RAD51B: variants seen among roughly 807,000 people sequenced by gnomAD.
The protein encoded by RAD51B is DNA repair protein RAD51 homolog 2.
Under a neutral mutation model 42.2 loss-of-function variants are expected in RAD51B, and 38 were observed. The observed-to-expected ratio is 0.90, with a 90% CI of 0.70 to 1.18. The LOEUF (loss-of-function observed/expected upper bound fraction) is 1.18, where lower values mean the gene tolerates loss of function less well. RAD51B is among the 50% of genes most tolerant of loss of function. RAD51B has a pLI of 0.00. For synonymous variants in RAD51B, 154 were observed against 145.2 expected, an observed-to-expected ratio of 1.06 and a Z score of -0.43; for missense variants, 373 against 400.7, an observed-to-expected ratio of 0.93 and a Z score of 0.59.
In RAD51B at chr14:68,531,161, A is replaced by G. The variant is rs537186290; in HGVS notation, c.1036+62911A>G. Among the ~76,000 whole-genome samples, 8 of 150,964 alleles carry G rather than the reference A, an allele frequency of 5.3e-5. No individual in the cohort carries two copies. In the South Asian group the frequency reaches 1.7e-3, roughly 31 times the overall value. ...AACCTAAGAGAAGACAGGAAAGACAAAAAAAAAATGAAAGAAGACAGGAAA... is the reference window on the plus strand; with the variant it reads ...AACCTAAGAGAAGACAGGAAAGACAGAAAAAAAATGAAAGAAGACAGGAAA... On this transcript the variant is annotated intron_variant, in intron 10 of 10. Transcript: ENST00000487270.
At chr14:68,495,561 C>T (rs967650399) in intron 10 of RAD51B, among the ~76,000 whole-genome samples, 3 of 152,126 alleles carry the variant, frequency 2.0e-5, no homozygotes, top group African/African-American at 7.2e-5. Flanking sequence ...TGAAGGGAAA[C>T]GCAGTTGAAA....
intron 10 of RAD51B, among the ~76,000 whole-genome samples, chr14:68,532,675 T>TA (rs1287658580): frequency 6.6e-6 from 1 of 152,160 alleles, no homozygotes; most frequent in Admixed American, 6.5e-5. Flanking sequence ...AGCTAACCCT[T>TA]ATGTTACACA....
intron 8 of RAD51B, among the ~76,000 whole-genome samples, chr14:68,328,413 G>T (rs559226264): frequency 2.0e-5 from 3 of 152,254 alleles, no homozygotes; most frequent in Admixed American, 6.5e-5. Flanking sequence ...TGAGCCAGTA[G>T]TCACAAAGCT....
intron 7 of RAD51B, among the ~76,000 whole-genome samples, chr14:68,027,502 C>T (rs893989865): frequency 3.3e-5 from 5 of 151,860 alleles, no homozygotes; most frequent in Non-Finnish European, 4.4e-5. Flanking sequence ...TCTTTACATG[C>T]GCTCATATTT....
chr14:68,204,645 G>A (rs1028732702), intron 7 of RAD51B, among the ~76,000 whole-genome samples: 1 of 152,218 alleles, frequency 6.6e-6, no homozygotes, highest in African/African-American at 2.4e-5. Flanking sequence ...GTACAATAAA[G>A]TAAGGTATGT....
chr14:67,858,456 G>A (rs949696504), intron 4 of RAD51B, among the ~76,000 whole-genome samples: 1 of 152,246 alleles, frequency 6.6e-6, no homozygotes, highest in Middle Eastern at 3.4e-3. Flanking sequence ...CTTAAATTCC[G>A]GCTGTCTCCG....
chr14:68,673,475 G>A (rs949850546), intron 11 of RAD51B, among the ~76,000 whole-genome samples: 1 of 148,908 alleles, frequency 6.7e-6, no homozygotes, highest in Non-Finnish European at 1.5e-5. Flanking sequence ...ATATATACAT[G>A]TACACACATG....
chr14:68,027,852 T>C (rs1446140952), intron 7 of RAD51B, among the ~76,000 whole-genome samples: 1 of 152,204 alleles, frequency 6.6e-6, no homozygotes, highest in Non-Finnish European at 1.5e-5. Context: ...TTAAGAACCA[T>C]TGTTGGGGAG....
intron 7 of RAD51B, among the ~76,000 whole-genome samples, chr14:68,134,725 G>A (rs952446468): frequency 7.2e-5 from 11 of 151,744 alleles, no homozygotes; most frequent in Non-Finnish European, 1.3e-4. Context: ...TATCCCGCTT[G>A]AGTGAAAGGA....
At chr14:68,459,504 C>G (rs747516312) in intron 9 of RAD51B, among the ~76,000 whole-genome samples, 1 of 152,200 alleles carries the variant, frequency 6.6e-6, no homozygotes, top group African/African-American at 2.4e-5. Flanking sequence ...TGTAGAAGGA[C>G]ATTTCAGTCA....
intron 7 of RAD51B, among the ~76,000 whole-genome samples, chr14:67,934,816 G>A (rs2044877379): frequency 6.6e-6 from 1 of 152,092 alleles, no homozygotes; most frequent in Non-Finnish European, 1.5e-5. Context: ...TTGATGGGGG[G>A]GAATGTCCAT....
chr14:68,300,869 T>C (rs2081718228), intron 8 of RAD51B, among the ~76,000 whole-genome samples: 1 of 152,190 alleles, frequency 6.6e-6, no homozygotes, highest in Non-Finnish European at 1.5e-5. Context: ...TATCCACTGC[T>C]TGAGCAAGGG....
intron 7 of RAD51B, among the ~76,000 whole-genome samples, chr14:67,988,157 C>T (rs1391713749): frequency 1.3e-5 from 2 of 151,952 alleles, no homozygotes; most frequent in Non-Finnish European, 2.9e-5. Flanking sequence ...AGGTCAGAAT[C>T]TGAGTTAGAA....
chr14:68,465,907 C>T (rs994232633), intron 9 of RAD51B, among the ~76,000 whole-genome samples: 8 of 150,306 alleles, frequency 5.3e-5, no homozygotes, highest in African/African-American at 2.0e-4. Flanking sequence ...CGCCACTGCA[C>T]TCCAGCCTGG....
intron 8 of RAD51B, among the ~76,000 whole-genome samples, chr14:68,379,472 T>C (rs1431864034): frequency 6.6e-6 from 1 of 152,208 alleles, no homozygotes; most frequent in Non-Finnish European, 1.5e-5. Flanking sequence ...TTCCTGTCTA[T>C]GATCGGTGTC....
chr14:68,339,840 A>T (rs966363500), intron 8 of RAD51B, among the ~76,000 whole-genome samples: 1 of 152,238 alleles, frequency 6.6e-6, no homozygotes, highest in Non-Finnish European at 1.5e-5. Flanking sequence ...GTACAGTAAG[A>T]TAGCAATCTA....
chr14:68,094,821 T>C (rs1338661865), intron 7 of RAD51B, among the ~76,000 whole-genome samples: 1 of 152,228 alleles, frequency 6.6e-6, no homozygotes, highest in African/African-American at 2.4e-5. Flanking sequence ...ATTTCAGTTG[T>C]TCTGAATCAT....
intron 9 of RAD51B, among the ~76,000 whole-genome samples, chr14:68,438,455 T>G (rs1389488599): frequency 6.6e-6 from 1 of 152,186 alleles, no homozygotes; most frequent in Non-Finnish European, 1.5e-5. Flanking sequence ...GAGCTGGCCC[T>G]GCTTGGAACA....
Position 68,149,272 on chromosome 14 carries a change from C to T in RAD51B, c.757-142612C>T, listed in dbSNP as rs1490657572. Reference sequence around the variant, plus strand: ...TTAAGTGTTATATTCAAACTCATTGCCAAGCCCAAGATCACCTAGATTTTT... The same window carrying T: ...TTAAGTGTTATATTCAAACTCATTGTCAAGCCCAAGATCACCTAGATTTTT... On this transcript the variant is annotated intron_variant, in intron 7 of 10. Coordinates refer to ENST00000471583, the MANE Select transcript of RAD51B (RefSeq NM_133510.4). 2.0e-5 allele frequency among the ~76,000 whole-genome samples: 3 copies of T among 152,102 alleles called. No individual in the cohort carries two copies. The South Asian group carries it at 6.2e-4, about 32-fold the overall frequency.
Sources: allele counts gnomAD v4.1 joint callset (sites outside exome capture counted in the v4.1 genomes callset), GRCh38; gene constraint gnomAD v4.1.1; transcripts MANE v1.5; gene names NCBI Gene and HGNC (gene_info 2026-07-23, HGNC 2026-07-21).